Variants in APBA2 observed in about 807,000 individuals in gnomAD.
APBA2 encodes amyloid-beta A4 precursor protein-binding family A member 2.
In APBA2, 30 loss-of-function variants were observed where a neutral mutation model predicts 75.0. The observed-to-expected ratio is 0.40, with a 90% CI of 0.30 to 0.54. The LOEUF (loss-of-function observed/expected upper bound fraction) is 0.54. Among genes scored for constraint, APBA2 ranks in the 20% least tolerant of loss-of-function variants. The probability of loss-of-function intolerance (pLI) is 0.49; values close to 1 mark genes in which losing one functional copy is unlikely to be tolerated. For missense variants in APBA2, 801 were observed against 1,016.1 expected (o/e 0.79, Z 2.88); for synonymous variants, 444 against 409.6 (o/e 1.08, Z -1.01).
chr15:29,028,287 A>G (rs1246661945), intron 3 of APBA2, among the ~76,000 whole-genome samples: 1 of 152,126 alleles, frequency 6.6e-6, no homozygotes, highest in Non-Finnish European at 1.5e-5. Flanking sequence ...TTTGCTGAGG[A>G]TAATGGCTTC....
At chr15:28,958,565 G>C (rs565768984) in intron 2 of APBA2, among the ~76,000 whole-genome samples, 38 of 152,374 alleles carry the variant, frequency 2.5e-4, no homozygotes, top group African/African-American at 8.7e-4. Flanking sequence ...TTCATTATCA[G>C]CTGGTAATGG....
At chr15:28,955,749 T>C (rs532904793) in intron 2 of APBA2, among the ~76,000 whole-genome samples, 1 of 112,796 alleles carries the variant, frequency 8.9e-6, no homozygotes, top group Non-Finnish European at 1.6e-5. Context: ...TCAAAGCTCC[T>C]CCCAGGTGCC....
chr15:28,923,707 T>A (rs575707640), intron 2 of APBA2, among the ~76,000 whole-genome samples: 11 of 152,328 alleles, frequency 7.2e-5, no homozygotes, highest in African/African-American at 2.4e-4. Flanking sequence ...GTCAGGATAG[T>A]CCTCCTCTGA....
rs145942266 is a variant in APBA2 at position 29,072,537 on chromosome 15, C to G, written c.952-2384C>G. 4.5e-3 allele frequency among the ~76,000 whole-genome samples: 685 copies of G among 152,120 alleles called. 7 individuals carry two copies. The highest frequency in any genetic ancestry group is 0.015 in the African/African-American group (636 of 41,488). The stretch of plus-strand genomic sequence containing the variant: ...GGATGGGTGAGGGGAAGAAACCTTG[C>G]AGGAGCGGTACCTGGGCCAGTCTCA... On this transcript the variant is annotated intron_variant, in intron 4 of 14. Coordinates refer to ENST00000683413, the MANE Select transcript of APBA2 (RefSeq NM_001353788.2).
intron 6 of APBA2, among the ~76,000 whole-genome samples, chr15:29,086,261 G>T (rs1406209880): frequency 6.6e-6 from 1 of 152,186 alleles, no homozygotes; most frequent in Non-Finnish European, 1.5e-5. Flanking sequence ...TCAGATGGCT[G>T]CAGCATCACT....
chr15:29,062,430 G>A (rs540135890), intron 4 of APBA2, among the ~76,000 whole-genome samples: 1 of 152,238 alleles, frequency 6.6e-6, no homozygotes, highest in African/African-American at 2.4e-5. Context: ...GTGCATTGAC[G>A]TTTCAATCCT....
rs532558417 is a variant in APBA2 at position 28,909,395 on chromosome 15, G to A, written c.-204-12245G>A. On this transcript the variant is annotated intron_variant, in intron 1 of 14. Coordinates refer to ENST00000683413, the MANE Select transcript of APBA2 (RefSeq NM_001353788.2). ...TTTTCCAACTGGCTTCTTTCACTTC[G>A]CGTGACGCCCTCAAGGCCCATCTGT... 6.6e-5 allele frequency among the ~76,000 whole-genome samples: 10 copies of A among 152,220 alleles called. No individual in the cohort carries two copies. The South Asian group carries it at 1.2e-3, about 19-fold the overall frequency.
chr15:28,906,828 C>T (rs1244066596), intron 1 of APBA2, among the ~76,000 whole-genome samples: 1 of 152,024 alleles, frequency 6.6e-6, no homozygotes, highest in Non-Finnish European at 1.5e-5. Context: ...GCCTCTTTTC[C>T]TCTTGACTTG....
chr15:29,101,473 C>T, intron 9 of APBA2, 126 bp from the exon 10 acceptor site: 1 of 982,132 alleles, frequency 1.0e-6, no homozygotes, highest in Non-Finnish European at 1.6e-6. Context: ...CTCAGGTGAT[C>T]TGCCTGCCTC....
intron 3 of APBA2, among the ~76,000 whole-genome samples, chr15:29,018,082 C>T (rs1168250625): frequency 1.3e-5 from 2 of 152,150 alleles, no homozygotes; most frequent in Non-Finnish European, 2.9e-5. Flanking sequence ...CACCTGGAAG[C>T]ATTAAAAACT....
intron 2 of APBA2, among the ~76,000 whole-genome samples, chr15:28,935,715 C>G (rs1017114779): frequency 6.6e-6 from 1 of 152,204 alleles, no homozygotes; most frequent in Non-Finnish European, 1.5e-5. Flanking sequence ...AGGACAGCCA[C>G]CTGGTCTCGG....
intron 2 of APBA2, among the ~76,000 whole-genome samples, chr15:28,979,655 C>T (rs890526959): frequency 3.3e-5 from 5 of 152,318 alleles, no homozygotes; most frequent in East Asian, 1.9e-4. Flanking sequence ...AGAGTGCCCC[C>T]GGCCCCGTGT....
At chr15:29,017,379 A>G (rs1454473618) in intron 3 of APBA2, among the ~76,000 whole-genome samples, 1 of 114,442 alleles carries the variant, frequency 8.7e-6, no homozygotes, top group African/African-American at 3.2e-5. Flanking sequence ...ATATTTTTCC[A>G]TCTTCTTTTC....
intron 8 of APBA2, among the ~76,000 whole-genome samples, chr15:29,094,692 A>T (rs1330688342): frequency 6.6e-6 from 1 of 152,226 alleles, no homozygotes; most frequent in Admixed American, 6.5e-5. Context: ...ATAGTTAAAG[A>T]TTCCTTAAGC....
intron 3 of APBA2, among the ~76,000 whole-genome samples, chr15:29,026,260 C>T (rs2040217612): frequency 1.3e-5 from 2 of 152,168 alleles, no homozygotes; most frequent in South Asian, 4.1e-4. Flanking sequence ...TTCCCCAGCT[C>T]AGAGCACACA....
At chr15:28,915,841 GCACACAC>G (rs2033665859) in intron 1 of APBA2, among the ~76,000 whole-genome samples, 2 of 141,652 alleles carry the variant, frequency 1.4e-5, no homozygotes, top group Admixed American at 7.0e-5. Context: ...ACCATACATA[GCACACAC>G]CACACACCAC....
chr15:28,919,165 T>A (rs1297018688), intron 1 of APBA2, among the ~76,000 whole-genome samples: 1 of 152,080 alleles, frequency 6.6e-6, no homozygotes, highest in African/African-American at 2.4e-5. Context: ...CGGCCGGTTG[T>A]GGGGATTATC....
At chr15:29,116,976 G>A (rs1440413652) in intron 14 of APBA2, 86 bp from the exon 15 acceptor site, 1 of 1,398,700 alleles carries the variant, frequency 7.1e-7, no homozygotes. Flanking sequence ...AGAACTCTGG[G>A]GGGTTTGCCT....
intron 3 of APBA2, among the ~76,000 whole-genome samples, chr15:29,015,935 C>T (rs1378764629): frequency 1.3e-5 from 2 of 152,156 alleles, no homozygotes; most frequent in South Asian, 2.1e-4. Flanking sequence ...AGGAACTGTG[C>T]GTGTATGTGC....
Sources: allele counts gnomAD v4.1 joint callset (sites outside exome capture counted in the v4.1 genomes callset), GRCh38; gene constraint gnomAD v4.1.1; transcripts MANE v1.5; gene names NCBI Gene and HGNC (gene_info 2026-07-23, HGNC 2026-07-21).